GSG1: variants seen among roughly 807,000 people sequenced by gnomAD.
GSG1 encodes the protein germ cell associated 1.
In GSG1, 28 loss-of-function variants were observed where a neutral mutation model predicts 30.8. That is an observed-to-expected ratio of 0.91 (90% CI 0.67 to 1.25). The LOEUF (loss-of-function observed/expected upper bound fraction) is 1.25, where lower values mean the gene tolerates loss of function less well. Among genes scored for constraint, GSG1 ranks in the 50% most tolerant of loss-of-function variants. The pLI is 0.00. For synonymous variants in GSG1, 162 were observed against 178.0 expected, an observed-to-expected ratio of 0.91 and a Z score of 0.71; for missense variants, 435 against 444.7, an observed-to-expected ratio of 0.98 and a Z score of 0.20.
intron 1 of GSG1, chr12:13,095,803 A>C: frequency 6.7e-7 from 1 of 1,484,312 alleles, no homozygotes; most frequent in Non-Finnish European, 9.0e-7. Flanking sequence ...GGCATTTAAT[A>C]ATTGACAAGG....
rs950592574 is a variant in GSG1, at chr12:13,090,783, T to A, written c.84A>T (p.Thr28=). 1.2e-6 allele frequency: 2 copies of A among 1,613,520 alleles called. No individual in the cohort carries two copies. The highest frequency in any genetic ancestry group is 1.7e-6 in the Non-Finnish European group (2 of 1,179,802). The change falls in exon 2 of 7, where the codon ACA becomes ACT. Residue 28 remains threonine (T), a synonymous_variant. Coordinates refer to ENST00000651961, the MANE Select transcript of GSG1 (RefSeq NM_001080555.4). ...GCATGCTGAGGATGGCAGATAGGAG[T>A]GTCCGCTGGCCAGAGAAGGCCTTCG... ...ELSKAFSGQR[T]LLSAILSMLS...
chr12:13,099,763 T>TTTTTTTTTTTG (rs1863054005), intron 1 of GSG1, among the ~76,000 whole-genome samples: 1 of 148,574 alleles, frequency 6.7e-6, no homozygotes, highest in African/African-American at 2.5e-5. Flanking sequence ...TTTTTTTTTT[T>TTTTTTTTTTTG]TTTTTGTTTT....
chr12:13,099,750 G>GTTTTTTTTTTTTTT lies in GSG1; in HGVS notation c.48+3701_48+3714dup, dbSNP rs57762367. Among the ~76,000 whole-genome samples, 96 of 114,810 alleles carry GTTTTTTTTTTTTTT rather than the reference G, an allele frequency of 8.4e-4. 1 individual carries two copies. The highest frequency in any genetic ancestry group is 1.1e-3 in the Non-Finnish European group (60 of 55,542). 75.3% of individuals were successfully genotyped at this position (114,810 alleles called of 152,430 possible). A position where few individuals can be genotyped will look rare whatever the true frequency, so the allele number is the denominator to read the frequency against. On this transcript the variant is annotated intron_variant, in intron 1 of 6. Coordinates refer to ENST00000651961, the MANE Select transcript of GSG1 (RefSeq NM_001080555.4). ...GCTAAGGGATCCGGTGTTTTTTTTTGTTTTTTTTTTTTTTTTTTGTTTTTT... is the reference window on the plus strand; with the variant it reads ...GCTAAGGGATCCGGTGTTTTTTTTTGTTTTTTTTTTTTTTTTTTTTTTTTTTTTTTTTGTTTTTT...
intron 1 of GSG1, among the ~76,000 whole-genome samples, chr12:13,091,625 G>C (rs748347033): frequency 5.9e-5 from 9 of 152,192 alleles, no homozygotes; most frequent in Non-Finnish European, 1.3e-4. Flanking sequence ...GATCACCTGA[G>C]CCCAGGAGGT....
chr12:13,090,950 C>G, intron 1 of GSG1, 132 bp from the exon 2 acceptor site: 7 of 738,494 alleles, frequency 9.5e-6, no homozygotes, highest in Non-Finnish European at 1.5e-5. Flanking sequence ...ATAGGCACAA[C>G]CCGCCTCTGA....
chr12:13,087,987 A>G lies in GSG1; in HGVS notation c.554T>C (p.Leu185Pro). The G allele has an allele frequency of 6.2e-7, 1 of 1,614,284 alleles. No individual in the cohort carries two copies. The highest frequency in any genetic ancestry group is 8.5e-7 in the Non-Finnish European group (1 of 1,180,048). The change falls in exon 5 of 7, where the codon CTA (leucine) becomes CCA (proline). Residue 185 changes from leucine to proline, a missense_variant. Physicochemically the swap from Leu to Pro is moderately conservative, Grantham distance 98. Coordinates refer to ENST00000651961, the MANE Select transcript of GSG1 (RefSeq NM_001080555.4). Reference protein sequence around the residue: ...GLQFISFLLLLTDLLLTGNPA... With the variant: ...GLQFISFLLLPTDLLLTGNPA... ...GTTCCCAGTGAGTAGCAAGTCTGTT[A>G]GTAGCAGGAGGAAGCTGATGAATTG...
rs1865340235 is a variant in GSG1 at position 13,084,717 on chromosome 12, G to C, written c.*184C>G. ...GGGGTGGGTGAAACAAGATGGAGCTGTAGAGGAAAAGAGAGCAGTGGCACC... is the reference window on the plus strand; with the variant it reads ...GGGGTGGGTGAAACAAGATGGAGCTCTAGAGGAAAAGAGAGCAGTGGCACC... On this transcript the variant is annotated 3_prime_UTR_variant, in exon 7 of 7. Coordinates refer to ENST00000651961, the MANE Select transcript of GSG1 (RefSeq NM_001080555.4). 2 of 512,504 alleles carry C rather than the reference G, an allele frequency of 3.9e-6. No homozygotes were observed. The highest frequency in any genetic ancestry group is 6.4e-5 in the Admixed American group (2 of 31,274). The allele number at this position is 512,504 out of a possible 1,614,324, so 31.7% of individuals were successfully genotyped here.
chr12:13,095,592 C>T (rs372552656), intron 1 of GSG1: 52 of 1,613,994 alleles, frequency 3.2e-5, no homozygotes, highest in Admixed American at 1.2e-4. Context: ...GAGGGGAAGC[C>T]GGTTACCTTG....
intron 5 of GSG1, 94 bp downstream of exon 5, chr12:13,087,813 C>T (rs1565525860): frequency 7.5e-7 from 1 of 1,328,406 alleles, no homozygotes; most frequent in Non-Finnish European, 1.0e-6. Flanking sequence ...AGCCTTTGGG[C>T]TCCTCCCCTT....
chr12:13,101,647 C>T lies in GSG1; in HGVS notation c.48+1818G>A, dbSNP rs1048133143. Among the ~76,000 whole-genome samples the T allele has an allele frequency of 1.3e-5, 2 of 152,210 alleles. No homozygotes were observed. The highest frequency in any genetic ancestry group is 4.8e-5 in the African/African-American group (2 of 41,464). On this transcript the variant is annotated intron_variant, in intron 1 of 6. Coordinates refer to ENST00000651961, the MANE Select transcript of GSG1 (RefSeq NM_001080555.4). The surrounding 1 kb of genome is among the most constrained non-coding windows in gnomAD (Gnocchi z 5.8). ...CGGGAGGGCGGAGAGACTGGGTAGT[C>T]GGAGGGATTCCTTACACCCAGGCCG...
chr12:13,090,631 T>C lies in GSG1; in HGVS notation c.236A>G (p.Asp79Gly). 1 of 1,614,250 alleles carries C rather than the reference T, an allele frequency of 6.2e-7. No individual in the cohort carries two copies. The highest frequency in any genetic ancestry group is 2.2e-5 in the East Asian group (1 of 44,884). The change falls in exon 2 of 7, where the codon GAT becomes GGT. Residue 79 changes from aspartate (D) to glycine (G), a missense_variant. Asp to Gly is a moderately conservative substitution (Grantham distance 94). Coordinates refer to ENST00000651961, the MANE Select transcript of GSG1 (RefSeq NM_001080555.4). ...CTGGGTGGATGTGTTGGTATCTCCA[T>C]CCAGGGACACTGGCATGTCAAAGCA... ...AKCFDMPVSLDGDTNTSTQEV... is the reference protein window; with the variant it reads ...AKCFDMPVSLGGDTNTSTQEV...
At chr12:13,096,734 G>A (rs926431569) in intron 1 of GSG1, among the ~76,000 whole-genome samples, 14 of 152,046 alleles carry the variant, frequency 9.2e-5, no homozygotes, top group East Asian at 1.9e-4. Context: ...GTAAGGGGTC[G>A]TTTGCATATG....
At position 13,099,749 on chromosome 12, in the gene GSG1, TG is replaced by T. The variant is rs1438665010; in HGVS notation, c.48+3715del. ...GGCTAAGGGATCCGGTGTTTTTTTT[TG>T]TTTTTTTTTTTTTTTTTTGTTTTTT... On this transcript the variant is annotated intron_variant, in intron 1 of 6. Transcript: ENST00000651961. Among the ~76,000 whole-genome samples, 141 of 122,644 alleles carry T rather than the reference TG, an allele frequency of 1.1e-3. 2 individuals carry two copies. The highest frequency in any genetic ancestry group is 3.7e-3 in the Middle Eastern group (1 of 268). The allele number at this position is 122,644 out of a possible 152,430, so 80.5% of individuals were successfully genotyped here. A position where few individuals can be genotyped will look rare whatever the true frequency, so the allele number is the denominator to read the frequency against.
rs1246082809 is a variant in GSG1, at chr12:13,101,419, G to C, written c.48+2046C>G. On this transcript the variant is annotated intron_variant, in intron 1 of 6. Coordinates refer to ENST00000651961, the MANE Select transcript of GSG1 (RefSeq NM_001080555.4). The surrounding 1 kb of genome is among the most constrained non-coding windows in gnomAD (Gnocchi z 5.8). ...CATGGCTTCCTGACCGGGTCGGGCG[G>C]GGGTACCCGGGCTGTTTCTTCCTCT... 6.6e-6 allele frequency among the ~76,000 whole-genome samples: 1 copy of C among 152,246 alleles called. No homozygotes were observed. The highest frequency in any genetic ancestry group is 2.4e-5 in the African/African-American group (1 of 41,468).
chr12:13,091,266 C>T (rs901133001), intron 1 of GSG1, among the ~76,000 whole-genome samples: 1 of 152,228 alleles, frequency 6.6e-6, no homozygotes, highest in African/African-American at 2.4e-5. Context: ...AAGAGGTTAT[C>T]TGACCTAGCT....
chr12:13,095,834 T>C (rs1866620813), intron 1 of GSG1: 1 of 1,440,592 alleles, frequency 6.9e-7, no homozygotes, highest in South Asian at 1.4e-5. Context: ...CCAGCTGTTC[T>C]GGGAGATTAC....
intron 1 of GSG1, among the ~76,000 whole-genome samples, chr12:13,099,143 A>G (rs1862964400): frequency 6.6e-6 from 1 of 152,154 alleles, no homozygotes; most frequent in African/African-American, 2.4e-5. Flanking sequence ...CTGGGCCACA[A>G]CGTCTAATTT....
Position 13,087,166 on chromosome 12 carries a change from A to G in GSG1, c.732T>C (p.Tyr244=), listed in dbSNP as rs746270876. 6 of 1,613,144 alleles carry G rather than the reference A, an allele frequency of 3.7e-6. No individual in the cohort carries two copies. Among genetic ancestry groups the G allele is most frequent in the South Asian group, 1.1e-5 (1 of 91,074 alleles). The part of the protein sequence containing the change: ...PEDWRPHVWN[Y]GWAFYMAWLS... ...ACAGCACTTACTAGAAGGCCCAGCCATAATTCCAAACATGTGGTCTCCAGT... is the reference window on the plus strand; with the variant it reads ...ACAGCACTTACTAGAAGGCCCAGCCGTAATTCCAAACATGTGGTCTCCAGT... The change falls in exon 6 of 7, where the codon TAT becomes TAC. Residue 244 remains tyrosine (Y), a synonymous_variant. Transcript: ENST00000651961.
chr12:13,088,256 C>G (rs924850485), intron 4 of GSG1, among the ~76,000 whole-genome samples, 197 bp from the exon 5 acceptor site: 1 of 151,840 alleles, frequency 6.6e-6, no homozygotes, highest in Non-Finnish European at 1.5e-5. Context: ...CACTCCATAA[C>G]CAATATATAC....
Sources: allele counts gnomAD v4.1 joint callset (sites outside exome capture counted in the v4.1 genomes callset), GRCh38; gene constraint gnomAD v4.1.1; non-coding constraint Gnocchi (gnomAD v3.1); transcripts MANE v1.5; gene names NCBI Gene and HGNC (gene_info 2026-07-23, HGNC 2026-07-21).